Variants in WDR43 observed in about 807,000 individuals in gnomAD.
WDR43 encodes the protein WD repeat domain 43.
Under a neutral mutation model 91.4 loss-of-function variants are expected in WDR43, and 13 were observed. That is an observed-to-expected ratio of 0.14 (90% CI 0.09 to 0.23). The LOEUF (loss-of-function observed/expected upper bound fraction) is 0.23, where lower values mean the gene tolerates loss of function less well. Among genes scored for constraint, WDR43 ranks in the 10% least tolerant of loss-of-function variants. The pLI, the probability that WDR43 is intolerant of heterozygous loss-of-function variation, is 1.00. For synonymous variants in WDR43, 331 were observed against 287.9 expected (o/e 1.15, Z -1.51); for missense variants, 780 against 809.4 (o/e 0.96, Z 0.44).
At chr2:28,916,323 C>G (rs1558374290) in intron 5 of WDR43, among the ~76,000 whole-genome samples, 1 of 151,970 alleles carries the variant, frequency 6.6e-6, no homozygotes, top group Non-Finnish European at 1.5e-5. Context: ...CTTTTCAAGA[C>G]ATTGCCAGAT....
Position 28,912,603 on chromosome 2 carries a change from G to A in WDR43, c.499G>A (p.Asp167Asn). The A allele has an allele frequency of 6.2e-7, 1 of 1,613,666 alleles. No homozygotes were observed. The highest frequency in any genetic ancestry group is 8.5e-7 in the Non-Finnish European group (1 of 1,179,770). Residue 167 changes from aspartate (D) to asparagine (N), a missense_variant, in exon 4 of 18, where the codon GAC becomes AAC. By Grantham distance (23) the Asp-to-Asn change is conservative. This residue lies in a region of WDR43 where 174 missense variants were observed against 207.3 expected (regional missense o/e 0.84). Coordinates refer to ENST00000407426, the MANE Select transcript of WDR43 (RefSeq NM_015131.3). Reference sequence around the variant, plus strand: ...TTCACAATATAGCAAATGGAAAGGCGACAATAGCAGTGTCAGTTCCCTATG... The same window carrying A: ...TTCACAATATAGCAAATGGAAAGGCAACAATAGCAGTGTCAGTTCCCTATG... ...TCKVKCKWKG[D>N]NSSVSSLCIS... is the part of the protein sequence containing the mutation.
chr2:28,901,184 G>C (rs181848894), intron 1 of WDR43, among the ~76,000 whole-genome samples: 1 of 152,238 alleles, frequency 6.6e-6, no homozygotes, highest in East Asian at 1.9e-4. Flanking sequence ...CTGGTGAGCC[G>C]TAATTTAAAA....
chr2:28,933,717 G>A (rs1489951170), intron 11 of WDR43, among the ~76,000 whole-genome samples: 1 of 152,170 alleles, frequency 6.6e-6, no homozygotes, highest in Non-Finnish European at 1.5e-5. Context: ...TGGCCAGTAA[G>A]CACATGTAAA....
At position 28,922,200 on chromosome 2, in the gene WDR43, A is replaced by G. The variant is rs184243042; in HGVS notation, c.850-719A>G. ...TTTAATTGATATATTACAGTTGTGCAAAGTTAGTCTTAAAACACTTTATAT... is the reference window on the plus strand; with the variant it reads ...TTTAATTGATATATTACAGTTGTGCGAAGTTAGTCTTAAAACACTTTATAT... On this transcript the variant is annotated intron_variant, in intron 6 of 17. Transcript: ENST00000407426. Among the ~76,000 whole-genome samples the G allele has an allele frequency of 3.3e-5, 5 of 152,314 alleles. No individual in the cohort carries two copies. In the East Asian group the frequency reaches 9.6e-4, roughly 29 times the overall value.
At position 28,946,568 on chromosome 2, in the gene WDR43, A is replaced by C. The variant is rs749079236; in HGVS notation, c.1855-32A>C. 5.9e-5 allele frequency: 93 copies of C among 1,576,586 alleles called. 1 individual carries two copies. In the East Asian group the frequency reaches 2.1e-3, roughly 35 times the overall value. On this transcript the variant is annotated intron_variant, in intron 17 of 17. Coordinates refer to ENST00000407426, the MANE Select transcript of WDR43 (RefSeq NM_015131.3). Reference sequence around the variant, plus strand: ...CATACTCTGTAAGAATGAGACCTTCATGAATGCTTTCCTTGTTGGTATTTC... The same window carrying C: ...CATACTCTGTAAGAATGAGACCTTCCTGAATGCTTTCCTTGTTGGTATTTC...
chr2:28,944,411 T>C (rs1671504849), intron 16 of WDR43, among the ~76,000 whole-genome samples: 1 of 152,162 alleles, frequency 6.6e-6, no homozygotes, highest in South Asian at 2.1e-4. Flanking sequence ...AACAAAAACT[T>C]TTTGGAGACC....
At chr2:28,906,354 G>T (rs1670678287) in intron 2 of WDR43, 106 bp from the exon 3 acceptor site, 2 of 1,153,978 alleles carry the variant, frequency 1.7e-6, no homozygotes, top group Non-Finnish European at 2.4e-6. Context: ...AGGAGCACTG[G>T]CTCATGCCTG....
chr2:28,938,611 GT>G (rs1671378664), intron 14 of WDR43, among the ~76,000 whole-genome samples: 1 of 151,916 alleles, frequency 6.6e-6, no homozygotes, highest in South Asian at 2.1e-4. Flanking sequence ...TAAGCTTTAA[GT>G]TTTTAGTGGA....
chr2:28,904,806 G>A (rs1572580763), intron 2 of WDR43, among the ~76,000 whole-genome samples: 1 of 152,210 alleles, frequency 6.6e-6, no homozygotes, highest in Admixed American at 6.5e-5. Context: ...TTATTTCCAA[G>A]TAGCTTTAGT....
intron 4 of WDR43, among the ~76,000 whole-genome samples, chr2:28,913,475 G>A (rs938521808): frequency 1.4e-4 from 21 of 152,162 alleles, no homozygotes; most frequent in Non-Finnish European, 2.6e-4. Flanking sequence ...GAGTATAGGC[G>A]CTTGCCACCA....
Position 28,942,341 on chromosome 2 carries a change from A to C in WDR43, c.1764A>C (p.Ala588=), listed in dbSNP as rs571026322. 1.2e-6 allele frequency: 2 copies of C among 1,613,616 alleles called. No individual in the cohort carries two copies. The highest frequency in any genetic ancestry group is 2.2e-5 in the South Asian group (2 of 90,988). ...QVTASEKTKG[A]TSPGQKAKLV... Reference sequence around the variant, plus strand: ...CAGCATCAGAGAAGACAAAGGGAGCAACTTCCCCTGGACAGAAGGCAAAGT... The same window carrying C: ...CAGCATCAGAGAAGACAAAGGGAGCCACTTCCCCTGGACAGAAGGCAAAGT... The change falls in exon 16 of 18, where the codon GCA becomes GCC. Residue 588 remains alanine (A), a synonymous_variant. Coordinates refer to ENST00000407426, the MANE Select transcript of WDR43 (RefSeq NM_015131.3).
chr2:28,917,986 C>A lies in WDR43; in HGVS notation c.840C>A (p.Asn280Lys). Residue 280 changes from asparagine to lysine, a missense_variant, in exon 6 of 18, where the codon AAC becomes AAA. By Grantham distance (94) the Asn-to-Lys change is moderately conservative. This residue lies in a region of WDR43 where 426 missense variants were observed against 467.8 expected (regional missense o/e 0.91). Transcript: ENST00000407426. ...PVYIDLTLSE[N>K]KEEPVKLAVV... Reference sequence around the variant, plus strand: ...ATATTGACTTAACTTTGTCAGAAAACAAAGAAGAGGTAAATGGCTCGATTT... The same window carrying A: ...ATATTGACTTAACTTTGTCAGAAAAAAAAGAAGAGGTAAATGGCTCGATTT... 6.4e-7 allele frequency: 1 copy of A among 1,573,842 alleles called. No homozygotes were observed. Among genetic ancestry groups the A allele is most frequent in the Non-Finnish European group, 8.6e-7 (1 of 1,158,952 alleles).
intron 2 of WDR43, among the ~76,000 whole-genome samples, chr2:28,903,960 A>G (rs1376458743): frequency 7.2e-5 from 11 of 152,130 alleles, no homozygotes; most frequent in Non-Finnish European, 1.5e-5. Flanking sequence ...GTGCACCACC[A>G]TAGCTGGCTC....
At position 28,934,098 on chromosome 2, in the gene WDR43, C is replaced by A. The variant is rs1173331098; in HGVS notation, c.1438-1423C>A. On this transcript the variant is annotated intron_variant, in intron 11 of 17. Transcript: ENST00000407426. ...GTCCTTTAACAGGTGAATGGAGAAA[C>A]AAATTGTTCATCTAGCAATATAAGT... is the stretch of plus-strand genomic sequence containing the variant. Among the ~76,000 whole-genome samples, 3 of 152,058 alleles carry A rather than the reference C, an allele frequency of 2.0e-5. No homozygotes were observed. The East Asian group carries it at 5.8e-4, about 29-fold the overall frequency.
chr2:28,930,253 T>G (rs904830244), intron 11 of WDR43: 6 of 363,048 alleles, frequency 1.7e-5, no homozygotes, highest in South Asian at 6.5e-5. Context: ...ATTTATGATT[T>G]CTGTGTAAGT....
At chr2:28,916,033 T>G (rs1469320167) in intron 5 of WDR43, among the ~76,000 whole-genome samples, 1 of 152,218 alleles carries the variant, frequency 6.6e-6, no homozygotes, top group Non-Finnish European at 1.5e-5. Context: ...TATTGAAGTA[T>G]AGTTGACATG....
At chr2:28,931,787 A>AAT (rs1168811891) in intron 11 of WDR43, among the ~76,000 whole-genome samples, 1 of 152,170 alleles carries the variant, frequency 6.6e-6, no homozygotes, top group African/African-American at 2.4e-5. Context: ...CTTAGGTAGA[A>AAT]ATAATAGAGA....
intron 11 of WDR43, among the ~76,000 whole-genome samples, chr2:28,934,265 G>C (rs1212969301): frequency 6.6e-6 from 1 of 152,146 alleles, no homozygotes; most frequent in Non-Finnish European, 1.5e-5. Context: ...TAGCTGCCTG[G>C]GAATCGGGGT....
At chr2:28,908,050 T>G (rs1670718513) in intron 3 of WDR43, among the ~76,000 whole-genome samples, 1 of 152,176 alleles carries the variant, frequency 6.6e-6, no homozygotes, top group African/African-American at 2.4e-5. Context: ...GTTACTGTAA[T>G]CTGGTTGTAG....
Sources: gnomAD v4.1 joint callset for allele counts (sites outside exome capture counted in the v4.1 genomes callset) on GRCh38, gnomAD v4.1.1 for gene constraint, gnomAD v4.1.1 regional missense constraint, MANE v1.5 for transcripts, NCBI Gene and HGNC (gene_info 2026-07-23, HGNC 2026-07-21) for gene names.